The following CADM2 variants were observed in gnomAD, a reference collection of about 807,000 sequenced individuals.
The protein encoded by CADM2 is cell adhesion molecule 2, also known as immunoglobulin superfamily member 4D.
CADM2 carries 12 observed loss-of-function variants against 49.8 expected under a neutral mutation model. That is an observed-to-expected ratio of 0.24 (90% confidence interval 0.15 to 0.39). The LOEUF (loss-of-function observed/expected upper bound fraction) is 0.39. Ranked by LOEUF, CADM2 falls within the 10% of genes least tolerant of loss-of-function variation. The probability of loss-of-function intolerance (pLI) is 1.00; values close to 1 mark genes in which losing one functional copy is unlikely to be tolerated. For missense variants in CADM2, 378 were observed against 492.3 expected (o/e 0.77, Z 2.20); for synonymous variants, 214 against 175.4 (o/e 1.22, Z -1.74).
intron 1 of CADM2, among the ~76,000 whole-genome samples, chr3:85,465,010 G>A (rs187749019): frequency 9.4e-4 from 143 of 152,194 alleles, no homozygotes; most frequent in Non-Finnish European, 1.6e-3. Flanking sequence ...TTAGCCGGGC[G>A]TGGTGGCACA....
intron 1 of CADM2, among the ~76,000 whole-genome samples, chr3:85,041,400 G>A (rs2035435232): frequency 6.6e-6 from 1 of 152,268 alleles, no homozygotes; most frequent in East Asian, 1.9e-4. Flanking sequence ...GGAGAGGGGG[G>A]CAAAGGACAG....
intron 1 of CADM2, among the ~76,000 whole-genome samples, chr3:84,983,238 G>A (rs933694570): frequency 6.6e-6 from 1 of 151,412 alleles, no homozygotes; most frequent in East Asian, 1.9e-4. Context: ...TTTTTCATCT[G>A]TTTCTTATTT....
chr3:85,042,329 T>C (rs1014110452), intron 1 of CADM2, among the ~76,000 whole-genome samples: 46 of 152,338 alleles, frequency 3.0e-4, no homozygotes, highest in African/African-American at 9.9e-4. Flanking sequence ...TTCAACGTTA[T>C]GTTTTTATTT....
At chr3:85,317,769 C>G (rs1047404350) in intron 1 of CADM2, among the ~76,000 whole-genome samples, 2 of 152,086 alleles carry the variant, frequency 1.3e-5, no homozygotes, top group African/African-American at 4.8e-5. Context: ...GATTAGATTC[C>G]CGACTCAAGA....
intron 1 of CADM2, among the ~76,000 whole-genome samples, chr3:85,117,442 A>C (rs1353071348): frequency 2.0e-5 from 3 of 152,196 alleles, no homozygotes; most frequent in Non-Finnish European, 1.5e-5. Context: ...TTATTGTGTA[A>C]CTAATGGCTT....
intron 2 of CADM2, among the ~76,000 whole-genome samples, chr3:85,737,417 T>C (rs1446574906): frequency 6.6e-6 from 1 of 152,210 alleles, no homozygotes. Flanking sequence ...TTGTTTCTAT[T>C]TTGAACAGGG....
At chr3:85,657,631 T>C (rs2065242945) in intron 1 of CADM2, among the ~76,000 whole-genome samples, 1 of 150,258 alleles carries the variant, frequency 6.7e-6, no homozygotes, top group African/African-American at 2.4e-5. Flanking sequence ...AACAATTATT[T>C]GTATACATTT....
At chr3:85,590,229 A>G (rs1278466354) in intron 1 of CADM2, among the ~76,000 whole-genome samples, 8 of 152,018 alleles carry the variant, frequency 5.3e-5, no homozygotes, top group African/African-American at 1.7e-4. Context: ...ATATTTTGCT[A>G]GTAAAACTTA....
rs1246097109 is a variant in CADM2, at chr3:85,224,328, A to G, written c.61+264660A>G. Among the ~76,000 whole-genome samples, 3 of 152,102 alleles carry G rather than the reference A, an allele frequency of 2.0e-5. No individual in the cohort carries two copies. The East Asian group carries it at 5.8e-4, about 29-fold the overall frequency. On this transcript the variant is annotated intron_variant, in intron 1 of 9. Coordinates refer to ENST00000383699, the MANE Select transcript of CADM2 (RefSeq NM_001167675.2). ...TTGATGGTATCTCATTGAGGTTTTGATGTGCATTTCTCTAATGAACAGCGA... is the reference window on the plus strand; with the variant it reads ...TTGATGGTATCTCATTGAGGTTTTGGTGTGCATTTCTCTAATGAACAGCGA...
At chr3:85,055,886 T>C (rs2036061995) in intron 1 of CADM2, among the ~76,000 whole-genome samples, 1 of 152,032 alleles carries the variant, frequency 6.6e-6, no homozygotes, top group Non-Finnish European at 1.5e-5. Flanking sequence ...TACCTGGATC[T>C]ATGTTATTGA....
At chr3:85,177,501 T>C (rs2040816242) in intron 1 of CADM2, among the ~76,000 whole-genome samples, 1 of 151,980 alleles carries the variant, frequency 6.6e-6, no homozygotes, top group South Asian at 2.1e-4. Context: ...TCATATAATA[T>C]CTTAAAATTA....
At chr3:85,823,562 G>A (rs2073725845) in intron 3 of CADM2, among the ~76,000 whole-genome samples, 1 of 152,120 alleles carries the variant, frequency 6.6e-6, no homozygotes, top group South Asian at 2.1e-4. Context: ...AGTTTGAGGA[G>A]CACTGTTATG....
At chr3:85,446,169 C>G (rs1443615763) in intron 1 of CADM2, among the ~76,000 whole-genome samples, 1 of 152,042 alleles carries the variant, frequency 6.6e-6, no homozygotes, top group Non-Finnish European at 1.5e-5. Flanking sequence ...TGACTCATCA[C>G]TGTTTTTATT....
intron 1 of CADM2, among the ~76,000 whole-genome samples, chr3:85,529,797 T>A (rs951364268): frequency 1.3e-5 from 2 of 152,034 alleles, no homozygotes; most frequent in Non-Finnish European, 2.9e-5. Context: ...GATACTCAGA[T>A]TCACTCTTCT....
chr3:85,224,518 T>C (rs1428492480), intron 1 of CADM2, among the ~76,000 whole-genome samples: 1 of 152,204 alleles, frequency 6.6e-6, no homozygotes, highest in African/African-American at 2.4e-5. Flanking sequence ...GTCAGATGGA[T>C]AGATTGCAAA....
intron 3 of CADM2, among the ~76,000 whole-genome samples, chr3:85,875,650 G>A (rs1179839877): frequency 6.6e-6 from 1 of 152,134 alleles, no homozygotes; most frequent in Non-Finnish European, 1.5e-5. Flanking sequence ...AAAAAAACAT[G>A]GCTAGCAGAT....
chr3:85,836,967 G>C (rs2074436741), intron 3 of CADM2, among the ~76,000 whole-genome samples: 1 of 151,672 alleles, frequency 6.6e-6, no homozygotes, highest in East Asian at 1.9e-4. Flanking sequence ...TGCCAATTAT[G>C]AATTACATAG....
At chr3:84,999,940 C>CAGCT (rs2033372344) in intron 1 of CADM2, among the ~76,000 whole-genome samples, 1 of 152,084 alleles carries the variant, frequency 6.6e-6, no homozygotes, top group Admixed American at 6.6e-5. Flanking sequence ...TCTTAGGGGC[C>CAGCT]AGCTAGTCCA....
intron 1 of CADM2, among the ~76,000 whole-genome samples, chr3:85,432,364 C>G (rs1288241399): frequency 1.3e-5 from 2 of 151,952 alleles, no homozygotes; most frequent in African/African-American, 4.8e-5. Flanking sequence ...CCAAAAATAA[C>G]AGACTGAGGG....
Sources: allele counts gnomAD v4.1 joint callset (sites outside exome capture counted in the v4.1 genomes callset), GRCh38; gene constraint gnomAD v4.1.1; transcripts MANE v1.5; gene names NCBI Gene and HGNC (gene_info 2026-07-23, HGNC 2026-07-21).